The following KIF19 variants were observed in gnomAD, a reference collection of about 807,000 sequenced individuals.
KIF19 encodes kinesin-like protein KIF19.
A neutral mutation model predicts 106.6 loss-of-function variants in KIF19; 98 were observed. The ratio of observed to expected loss-of-function variants is 0.92; its 90% CI spans 0.78 to 1.09. KIF19 has a LOEUF of 1.09. KIF19 is among the 50% of genes least tolerant of loss of function. The pLI, the probability that KIF19 is intolerant of heterozygous loss-of-function variation, is 0.00. For synonymous variants in KIF19, 516 were observed against 584.2 expected (o/e 0.88, Z 1.68); for missense variants, 1,373 against 1,414.3 (o/e 0.97, Z 0.47).
At position 74,331,138 on chromosome 17, in the gene KIF19, C is replaced by T. The variant is rs1486274421; in HGVS notation, c.120+2633C>T. Among the ~76,000 whole-genome samples the T allele has an allele frequency of 1.3e-5, 2 of 152,106 alleles. No individual in the cohort carries two copies. The highest frequency in any genetic ancestry group is 2.9e-5 in the Non-Finnish European group (2 of 68,022). On this transcript the variant is annotated intron_variant, in intron 2 of 19. Coordinates refer to ENST00000389916, the MANE Select transcript of KIF19 (RefSeq NM_153209.4). This position sits in a 1 kb window ranked among gnomAD's most constrained non-coding sequence, Gnocchi z 4.1. ...CCCCTTACCCTTGTCCCCGACCTGA[C>T]CAGTTCCCCCACCTCCTGACCTTCA...
chr17:74,328,612 C>T, intron 2 of KIF19, 107 bp downstream of exon 2: 3 of 835,346 alleles, frequency 3.6e-6, no homozygotes, highest in Non-Finnish European at 5.7e-6. Context: ...CACCCTCCTT[C>T]CTCTACTCAC....
At chr17:74,338,283 G>T (rs2054271068) in intron 2 of KIF19, among the ~76,000 whole-genome samples, 1 of 152,262 alleles carries the variant, frequency 6.6e-6, no homozygotes, top group South Asian at 2.1e-4. Flanking sequence ...GGAACTCAGA[G>T]CCAGGTTTTA....
At chr17:74,340,550 C>T (rs976126871) in intron 2 of KIF19, among the ~76,000 whole-genome samples, 24 of 134,382 alleles carry the variant, frequency 1.8e-4, no homozygotes, top group African/African-American at 3.7e-4. Flanking sequence ...CAGGTATGCG[C>T]GCGCGTACAC....
At chr17:74,341,505 G>C (rs971057656) in intron 2 of KIF19, among the ~76,000 whole-genome samples, 1 of 152,184 alleles carries the variant, frequency 6.6e-6, no homozygotes, top group Non-Finnish European at 1.5e-5. Flanking sequence ...CATCACCTGT[G>C]TGTGCTCTGC....
intron 1 of KIF19, among the ~76,000 whole-genome samples, chr17:74,327,451 T>C (rs961048138): frequency 4.6e-5 from 7 of 152,152 alleles, no homozygotes; most frequent in Non-Finnish European, 8.8e-5. Context: ...GGTAGTGTAG[T>C]TCCCTCTGAA....
At chr17:74,347,943 TGA>T in intron 9 of KIF19, 44 bp downstream of exon 9, 1 of 1,551,512 alleles carries the variant, frequency 6.4e-7, no homozygotes, top group Admixed American at 1.9e-5. Context: ...CTTCCTGGGC[TGA>T]GATTCAAGCC....
rs2054719165 is a variant in KIF19, at chr17:74,351,985, T to G, written c.1706T>G (p.Val569Gly). 1 of 1,537,708 alleles carries G rather than the reference T, an allele frequency of 6.5e-7. No homozygotes were observed. Among genetic ancestry groups the G allele is most frequent in the African/African-American group, 1.4e-5 (1 of 72,522 alleles). Reference protein sequence around the residue: ...QREVLSLLCRVHELEVENTEM... With the variant: ...QREVLSLLCRGHELEVENTEM... ...GAGGTGCTCAGCCTGCTGTGCCGCG[T>G]GCACGAGCTCGAGGTGGAGAACACC... The change falls in exon 13 of 20, where the codon GTG becomes GGG. Residue 569 changes from valine to glycine, a missense_variant. Physicochemically the swap from Val to Gly is moderately radical, Grantham distance 109. Around this residue, in one of 3 missense-constraint regions of KIF19, gnomAD observed 1,020 missense variants for 1,008.2 expected, o/e 1.01. Transcript: ENST00000389916.
intron 2 of KIF19, among the ~76,000 whole-genome samples, chr17:74,335,482 T>G (rs1049089599): frequency 6.6e-6 from 1 of 152,244 alleles, no homozygotes; most frequent in Non-Finnish European, 1.5e-5. Flanking sequence ...GGATGAGACC[T>G]CCTCTCCCTG....
At chr17:74,344,477 G>C (rs1475832898) in intron 6 of KIF19, 129 bp downstream of exon 6, 18 of 1,407,070 alleles carry the variant, frequency 1.3e-5, no homozygotes, top group Non-Finnish European at 1.5e-5. Context: ...GGAGAATCCT[G>C]AGTGGCAGCA....
At chr17:74,352,179 G>T (rs771369239) in intron 13 of KIF19, 40 bp from the exon 14 acceptor site, 17 of 1,589,596 alleles carry the variant, frequency 1.1e-5, no homozygotes, top group South Asian at 6.8e-5. Flanking sequence ...CCCGCGGGGG[G>T]GCCGCTGGCA....
chr17:74,354,911 A>G lies in KIF19; in HGVS notation c.2836A>G (p.Lys946Glu), dbSNP rs1471420626. 2.2e-5 allele frequency: 34 copies of G among 1,576,014 alleles called. No homozygotes were observed. Among genetic ancestry groups the G allele is most frequent in the Non-Finnish European group, 2.7e-5 (31 of 1,161,072 alleles). The change falls in exon 19 of 20, where the codon AAA becomes GAA. Residue 946 changes from lysine (K) to glutamate (E), a missense_variant. Physicochemically the swap from Lys to Glu is moderately conservative, Grantham distance 56. Transcript: ENST00000389916. ...HLGKVTLPLA[K>E]VKLPPSQNTG... is the part of the protein sequence containing the mutation. ...GGGAAAGGTCACGCTACCTTTGGCC[A>G]AAGTCAAACTCCCTCCAAGCCAGAA...
At position 74,354,158 on chromosome 17, in the gene KIF19, G is replaced by A. The variant is rs558473774; in HGVS notation, c.2309-4G>A. ...GGTTGTATGTTCCCCGTGTCCCGCT[G>A]CAGAGAGGAAGGAGATCCTGACTGG... On this transcript the variant is annotated splice_region_variant and splice_polypyrimidine_tract_variant and intron_variant, in intron 17 of 19. Coordinates refer to ENST00000389916, the MANE Select transcript of KIF19 (RefSeq NM_153209.4). 1.2e-6 allele frequency: 2 copies of A among 1,601,694 alleles called. No individual in the cohort carries two copies. The highest frequency in any genetic ancestry group is 2.2e-5 in the South Asian group (2 of 89,806).
At position 74,341,925 on chromosome 17, in the gene KIF19, C is replaced by T. The variant is rs199824477; in HGVS notation, c.170C>T (p.Ala57Val). The change falls in exon 3 of 20, where the codon GCG becomes GTG. Residue 57 changes from alanine to valine, a missense_variant. Ala to Val is a moderately conservative substitution (Grantham distance 64). Coordinates refer to ENST00000389916, the MANE Select transcript of KIF19 (RefSeq NM_153209.4). ...GAGGATCCCGACGACATCCTGCGGG[C>T]GCATCGCTCCCGGGAGAAGTCCTAC... ...PMEDPDDILRAHRSREKSYLF... is the reference protein window; with the variant it reads ...PMEDPDDILRVHRSREKSYLF... 4.8e-5 allele frequency: 78 copies of T among 1,612,748 alleles called. No individual in the cohort carries two copies. In the African/African-American group the frequency reaches 5.5e-4, roughly 11 times the overall value.
intron 1 of KIF19, among the ~76,000 whole-genome samples, chr17:74,327,288 G>A (rs2053941249): frequency 6.6e-6 from 1 of 152,178 alleles, no homozygotes; most frequent in African/African-American, 2.4e-5. Flanking sequence ...GCAAGCCCTG[G>A]GCTCTAGGAC....
intron 2 of KIF19, among the ~76,000 whole-genome samples, chr17:74,338,732 G>A (rs1010592357): frequency 6.6e-6 from 1 of 151,898 alleles, no homozygotes; most frequent in Non-Finnish European, 1.5e-5. Flanking sequence ...TCTGGTGGGA[G>A]CCCCAGGGCT....
At chr17:74,351,118 G>A in intron 12 of KIF19, 1 of 586,514 alleles carries the variant, frequency 1.7e-6, no homozygotes, top group Non-Finnish European at 3.1e-6. Flanking sequence ...GCCCTCATGG[G>A]GTTGCTGGGA....
At chr17:74,337,398 G>T (rs565633478) in intron 2 of KIF19, among the ~76,000 whole-genome samples, 1 of 152,142 alleles carries the variant, frequency 6.6e-6, no homozygotes, top group Non-Finnish European at 1.5e-5. Flanking sequence ...AGATGCACAC[G>T]TCAGTTCTCG....
intron 9 of KIF19, among the ~76,000 whole-genome samples, 198 bp downstream of exon 9, chr17:74,348,097 A>C (rs1361732176): frequency 2.6e-5 from 4 of 152,182 alleles, no homozygotes; most frequent in African/African-American, 9.6e-5. Flanking sequence ...GACAGCTCCC[A>C]AGGGTCCCCG....
intron 2 of KIF19, chr17:74,328,743 T>C: frequency 2.3e-6 from 1 of 444,330 alleles, no homozygotes; most frequent in Non-Finnish European, 4.1e-6. Context: ...TGGGCCCTGA[T>C]CCTTTACCTT....
Sources: allele counts gnomAD v4.1 joint callset (sites outside exome capture counted in the v4.1 genomes callset), GRCh38; gene constraint gnomAD v4.1.1; regional missense constraint gnomAD v4.1.1; non-coding constraint Gnocchi (gnomAD v3.1); transcripts MANE v1.5; gene names NCBI Gene and HGNC (gene_info 2026-07-23, HGNC 2026-07-21).